Variants in MRAP2 observed in about 807,000 individuals in gnomAD.
MRAP2 encodes melanocortin 2 receptor accessory protein 2.
MRAP2 carries 20 observed loss-of-function variants against 17.4 expected under a neutral mutation model. That is an observed-to-expected ratio of 1.15 (90% CI 0.81 to 1.67). The LOEUF (loss-of-function observed/expected upper bound fraction) is 1.67. MRAP2 is among the 40% of genes most tolerant of loss of function. MRAP2 has a pLI of 0.00. For synonymous variants in MRAP2, 96 were observed against 88.4 expected (o/e 1.09, Z -0.48); for missense variants, 238 against 240.0 (o/e 0.99, Z 0.05).
At chr6:84,077,263 C>A (rs562507496) in intron 3 of MRAP2, among the ~76,000 whole-genome samples, 29 of 152,292 alleles carry the variant, frequency 1.9e-4, no homozygotes, top group African/African-American at 6.5e-4. Context: ...GTCTCCATGG[C>A]ATCAGTGACA....
chr6:84,034,495 C>G (rs1336803970), intron 1 of MRAP2, among the ~76,000 whole-genome samples: 4 of 143,066 alleles, frequency 2.8e-5, no homozygotes, highest in Admixed American at 2.1e-4. Flanking sequence ...AACCCGCCCC[C>G]GCTCCCCCCG....
At chr6:84,060,935 G>A (rs138997219) in intron 2 of MRAP2, among the ~76,000 whole-genome samples, 6,745 of 148,094 alleles carry the variant, frequency 0.046, 509 homozygotes, top group African/African-American at 0.16. Flanking sequence ...TCCTGACCTC[G>A]TGATCTGCCC....
chr6:84,103,597 G>A, the MRAP2 span, among the ~76,000 whole-genome samples: 1 of 152,146 alleles, frequency 6.6e-6, no homozygotes, highest in African/African-American at 2.4e-5. Flanking sequence ...GATCAATTTT[G>A]CCCTTTATAA....
intron 1 of MRAP2, among the ~76,000 whole-genome samples, chr6:84,044,227 C>G (rs2099488390): frequency 6.6e-6 from 1 of 152,164 alleles, no homozygotes; most frequent in South Asian, 2.1e-4. Context: ...GCTCTTGTTG[C>G]CCAGGCTGGA....
chr6:84,112,649 T>C, the MRAP2 span, among the ~76,000 whole-genome samples: 2 of 152,206 alleles, frequency 1.3e-5, no homozygotes, highest in African/African-American at 4.8e-5. Context: ...TCTGCTAGCT[T>C]TTGAATACGT....
chr6:84,119,197 T>C, the MRAP2 span, among the ~76,000 whole-genome samples: 2 of 152,220 alleles, frequency 1.3e-5, no homozygotes, highest in Non-Finnish European at 2.9e-5. Flanking sequence ...TTTAGGACTT[T>C]TTTTTCTATT....
At chr6:84,130,820 A>AT in the MRAP2 span, among the ~76,000 whole-genome samples, 60 of 151,854 alleles carry the variant, frequency 4.0e-4, 1 homozygote, top group African/African-American at 8.7e-4. Context: ...GAATTCACTG[A>AT]TTTTTTTTGA....
intron 1 of MRAP2, among the ~76,000 whole-genome samples, chr6:84,046,399 C>A (rs1440027041): frequency 1.3e-5 from 2 of 151,962 alleles, no homozygotes; most frequent in African/African-American, 4.8e-5. Flanking sequence ...ATGAGAAGGA[C>A]CTGAAAGCTT....
chr6:84,132,537 C>T, the MRAP2 span, among the ~76,000 whole-genome samples: 962 of 152,244 alleles, frequency 6.3e-3, 7 homozygotes, highest in African/African-American at 0.021. Flanking sequence ...AGGCTTTGTT[C>T]ATTTCTTTTT....
chr6:84,033,864 G>T lies in MRAP2; in HGVS notation c.-27G>T. On this transcript the variant is annotated 5_prime_UTR_variant, in exon 1 of 4. Coordinates refer to ENST00000257776, the MANE Select transcript of MRAP2 (RefSeq NM_138409.4). ...GAGCCGGAACCAGGGCCGAGCCCGC[G>T]GGCCGGGGCTAGCCAGCCGGTAACC... 2.1e-6 allele frequency: 2 copies of T among 973,020 alleles called. No individual in the cohort carries two copies. The highest frequency in any genetic ancestry group is 2.4e-6 in the Non-Finnish European group (2 of 830,090). The allele number at this position is 973,020 out of a possible 1,614,324, so 60.3% of individuals were successfully genotyped here. A position where few individuals can be genotyped will look rare whatever the true frequency, so the allele number is the denominator to read the frequency against.
Position 84,063,003 on chromosome 6 carries a change from G to T in MRAP2, c.227+11G>T, listed in dbSNP as rs2099493581. The stretch of plus-strand genomic sequence containing the variant: ...AGCCCCACACCAAGAGTAAGTTTGG[G>T]CTGTTCCTAAATGTCTCTTAAGCCT... On this transcript the variant is annotated intron_variant, in intron 3 of 3. Transcript: ENST00000257776. 1.2e-6 allele frequency: 2 copies of T among 1,613,926 alleles called. No individual in the cohort carries two copies. The highest frequency in any genetic ancestry group is 1.7e-6 in the Non-Finnish European group (2 of 1,179,990).
chr6:84,041,416 G>T (rs1045248527), intron 1 of MRAP2, among the ~76,000 whole-genome samples: 6 of 152,270 alleles, frequency 3.9e-5, no homozygotes, highest in Non-Finnish European at 5.9e-5. Flanking sequence ...CTTCAGTGGG[G>T]CACTGCCTAG....
chr6:84,108,260 T>C, the MRAP2 span, among the ~76,000 whole-genome samples: 3 of 152,158 alleles, frequency 2.0e-5, no homozygotes, highest in Non-Finnish European at 4.4e-5. Context: ...TTTGAGAAAT[T>C]GCCACATTGG....
At chr6:84,109,468 C>T in the MRAP2 span, among the ~76,000 whole-genome samples, 14 of 151,860 alleles carry the variant, frequency 9.2e-5, no homozygotes, top group African/African-American at 2.7e-4. Context: ...TTAGCTCTCT[C>T]GGTTTGCCTG....
At chr6:84,037,393 T>C (rs570868644) in intron 1 of MRAP2, among the ~76,000 whole-genome samples, 1 of 152,370 alleles carries the variant, frequency 6.6e-6, no homozygotes, top group South Asian at 2.1e-4. Flanking sequence ...CCCCACCTGA[T>C]TCAGGAGCCC....
In MRAP2 at chr6:84,090,260, C is replaced by T. The variant is rs988357117; in HGVS notation, c.*779C>T. On this transcript the variant is annotated 3_prime_UTR_variant, in exon 4 of 4. Transcript: ENST00000257776. ...TCAAATCTCTGTACCTTCCACTTAA[C>T]CCTAATTGAGCCAAGCTTTAGTCAG... The T allele has an allele frequency of 6.6e-6, 1 of 152,210 alleles. No homozygotes were observed. Among genetic ancestry groups the T allele is most frequent in the African/African-American group, 2.4e-5 (1 of 41,450 alleles). 9.4% of individuals were successfully genotyped at this position (152,210 alleles called of 1,614,324 possible). A position where few individuals can be genotyped will look rare whatever the true frequency, so the allele number is the denominator to read the frequency against.
At chr6:84,115,743 G>A in the MRAP2 span, among the ~76,000 whole-genome samples, 13 of 152,288 alleles carry the variant, frequency 8.5e-5, no homozygotes, top group East Asian at 1.9e-4. Context: ...TCTGCAGGTC[G>A]TGAAGACCAT....
At chr6:84,066,776 G>T (rs1033583293) in intron 3 of MRAP2, among the ~76,000 whole-genome samples, 4 of 152,178 alleles carry the variant, frequency 2.6e-5, no homozygotes, top group African/African-American at 9.7e-5. Context: ...TCAAACTAAA[G>T]TCTCTTCGGT....
At chr6:84,107,272 G>C in the MRAP2 span, among the ~76,000 whole-genome samples, 1 of 152,056 alleles carries the variant, frequency 6.6e-6, no homozygotes, top group Non-Finnish European at 1.5e-5. Context: ...ATCCAACTAG[G>C]TCCACTAGGC....
Sources: allele counts gnomAD v4.1 joint callset (sites outside exome capture counted in the v4.1 genomes callset), GRCh38; gene constraint gnomAD v4.1.1; transcripts MANE v1.5; gene names NCBI Gene and HGNC (gene_info 2026-07-23, HGNC 2026-07-21).